The following NOS3 variants were observed in gnomAD, a reference collection of about 807,000 sequenced individuals.
The protein encoded by NOS3 is NOS type III.
In NOS3, 98 loss-of-function variants were observed where a neutral mutation model predicts 144.9. The observed-to-expected ratio is 0.68, with a 90% confidence interval of 0.57 to 0.80. The LOEUF is 0.80. NOS3 is among the 30% of genes least tolerant of loss of function. The pLI is 0.00. For synonymous variants in NOS3, 714 were observed against 702.4 expected (o/e 1.02, Z -0.26); for missense variants, 1,465 against 1,656.4 (o/e 0.88, Z 2.01).
rs1795290852 is a variant in NOS3 at position 151,010,905 on chromosome 7, T to A, written c.2903T>A (p.Leu968Gln). The A allele has an allele frequency of 1.2e-6, 2 of 1,613,662 alleles. No individual in the cohort carries two copies. Among genetic ancestry groups the A allele is most frequent in the South Asian group, 2.2e-5 (2 of 90,982 alleles). Residue 968 changes from leucine (L) to glutamine (Q), a missense_variant, in exon 23 of 27, where the codon CTG (leucine) becomes CAG (glutamine). Around this residue, in one of 5 missense-constraint regions of NOS3, gnomAD observed 106 missense variants for 167.7 expected, o/e 0.63. Transcript: ENST00000297494. ...AVLAYRTQDG[L>Q]GPLHYGVCST... ...CTCTCCTTCCCACCCCCAGATGGGC[T>A]GGGCCCCCTGCACTATGGAGTCTGC...
Position 151,013,342 on chromosome 7 carries a change from T to G in NOS3, c.3218T>G (p.Val1073Gly). ...CAGCAGCGCGGGGTGTTTGGCCGAGTCCTCACCGCCTTCTCCCGGGAACCT... is the reference window on the plus strand; with the variant it reads ...CAGCAGCGCGGGGTGTTTGGCCGAGGCCTCACCGCCTTCTCCCGGGAACCT... ...NAQQRGVFGR[V>G]LTAFSREPDN... The change falls in exon 25 of 27, where the codon GTC (valine) becomes GGC (glycine). Residue 1073 changes from valine to glycine, a missense_variant. By Grantham distance (109) the Val-to-Gly change is moderately radical. This residue lies in a region of NOS3 where 228 missense variants were observed against 227.7 expected (regional missense o/e 1.00). Coordinates refer to ENST00000297494, the MANE Select transcript of NOS3 (RefSeq NM_000603.5). 1 of 1,613,738 alleles carries G rather than the reference T, an allele frequency of 6.2e-7. No homozygotes were observed. Among genetic ancestry groups the G allele is most frequent in the Admixed American group, 1.7e-5 (1 of 60,012 alleles).
chr7:151,010,107 A>C lies in NOS3; in HGVS notation c.2513-8A>C, dbSNP rs768907280. 5.6e-5 allele frequency: 88 copies of C among 1,572,222 alleles called. No homozygotes were observed. The East Asian group carries it at 1.9e-3, about 34-fold the overall frequency. ...CTGTCCTCAGAGCTCCCTGTGCACT[A>C]TCCCCAGGTGGCCCTCCCCCCGGCT... On this transcript the variant is annotated splice_polypyrimidine_tract_variant and splice_region_variant and intron_variant, in intron 20 of 26. Transcript: ENST00000297494.
Position 151,001,381 on chromosome 7 carries a change from C to G in NOS3, c.1384C>G (p.Gln462Glu). ...GGGCAGCCTCACTCCTGTTTTCCATCAGGAGATGGTCAACTATTTCCTGTC... is the reference window on the plus strand; with the variant it reads ...GGGCAGCCTCACTCCTGTTTTCCATGAGGAGATGGTCAACTATTTCCTGTC... Reference protein sequence around the residue: ...ISGSLTPVFHQEMVNYFLSPA... With the variant: ...ISGSLTPVFHEEMVNYFLSPA... Residue 462 changes from glutamine (Q) to glutamate (E), a missense_variant, in exon 11 of 27, where the codon CAG becomes GAG. Gln to Glu is a conservative substitution (Grantham distance 29). Coordinates refer to ENST00000297494, the MANE Select transcript of NOS3 (RefSeq NM_000603.5). 6.2e-7 allele frequency: 1 copy of G among 1,609,206 alleles called. No individual in the cohort carries two copies. Among genetic ancestry groups the G allele is most frequent in the Non-Finnish European group, 8.5e-7 (1 of 1,177,222 alleles).
At position 151,009,827 on chromosome 7, in the gene NOS3, G is replaced by A. The variant is rs743506; in HGVS notation, c.2512+242G>A. On this transcript the variant is annotated intron_variant, in intron 20 of 26. Coordinates refer to ENST00000297494, the MANE Select transcript of NOS3 (RefSeq NM_000603.5). ...GTCCCCTCCCTCTGGGCTCCTCTCCGAGGCTCCCCTAGCAATCTAGCTTGC... is the reference window on the plus strand; with the variant it reads ...GTCCCCTCCCTCTGGGCTCCTCTCCAAGGCTCCCCTAGCAATCTAGCTTGC... 0.71 allele frequency among the ~76,000 whole-genome samples: 107,688 copies of A among 152,124 alleles called. 39,020 individuals carry two copies. Among genetic ancestry groups the A allele is most frequent in the South Asian group, 0.83 (3,987 of 4,822 alleles).
intron 20 of NOS3, 85 bp from the exon 21 acceptor site, chr7:151,010,030 A>G (rs1157601057): frequency 1.8e-5 from 16 of 872,048 alleles, no homozygotes; most frequent in Non-Finnish European, 3.0e-5. Flanking sequence ...CAGGCTCTCT[A>G]ACAGTCACCA....
chr7:150,998,686 C>T lies in NOS3; in HGVS notation c.816+6C>T. 1.2e-6 allele frequency: 2 copies of T among 1,600,952 alleles called. No homozygotes were observed. The highest frequency in any genetic ancestry group is 2.2e-5 in the East Asian group (1 of 44,492). On this transcript the variant is annotated splice_donor_region_variant and intron_variant, in intron 7 of 26. Coordinates refer to ENST00000297494, the MANE Select transcript of NOS3 (RefSeq NM_000603.5). The surrounding 1 kb of genome is among the most constrained non-coding windows in gnomAD (Gnocchi z 5.0). ...CCAACGTGGAGATCACCGAGGTGGGCACCGAGGGCCACCCATGAGGGTGTC... is the reference window on the plus strand; with the variant it reads ...CCAACGTGGAGATCACCGAGGTGGGTACCGAGGGCCACCCATGAGGGTGTC...
intron 23 of NOS3, chr7:151,012,123 T>C (rs868578560): frequency 2.0e-6 from 1 of 496,654 alleles, no homozygotes; most frequent in South Asian, 2.8e-5. Flanking sequence ...CTGAGTCATC[T>C]AAGTATTCTT....
chr7:150,994,308 G>GT (rs1465282648), intron 2 of NOS3, among the ~76,000 whole-genome samples: 1 of 152,210 alleles, frequency 6.6e-6, no homozygotes, highest in Non-Finnish European at 1.5e-5. Flanking sequence ...CCATGGGGAA[G>GT]TAAGTTTCTA....
At chr7:150,994,167 A>G (rs966506890) in intron 2 of NOS3, among the ~76,000 whole-genome samples, 2 of 152,218 alleles carry the variant, frequency 1.3e-5, no homozygotes, top group African/African-American at 4.8e-5. Flanking sequence ...AGCTGGGAGT[A>G]AGGGTGCCAG....
At chr7:150,997,905 C>A (rs1286445839) in intron 5 of NOS3, among the ~76,000 whole-genome samples, 1 of 152,192 alleles carries the variant, frequency 6.6e-6, no homozygotes, top group Non-Finnish European at 1.5e-5. Flanking sequence ...CTCAGAATGT[C>A]AGGATGAGCA....
At position 151,014,374 on chromosome 7, in the gene NOS3, G is replaced by A. The variant is rs1346137105; in HGVS notation, c.*205G>A. On this transcript the variant is annotated 3_prime_UTR_variant, in exon 27 of 27. Coordinates refer to ENST00000297494, the MANE Select transcript of NOS3 (RefSeq NM_000603.5). ...GGCCTGTTGCCTCGGGCCTGGGTCC[G>A]CCTTAATCTGGAAGGCCCCTCCCAG... 3.5e-6 allele frequency: 2 copies of A among 567,148 alleles called. No individual in the cohort carries two copies. The highest frequency in any genetic ancestry group is 6.0e-6 in the Non-Finnish European group (2 of 334,146). The allele number at this position is 567,148 out of a possible 1,614,324, so 35.1% of individuals were successfully genotyped here.
In NOS3 at chr7:151,010,134, G is replaced by T. The variant is rs1050353183; in HGVS notation, c.2532G>T (p.Trp844Cys). The change falls in exon 21 of 27, where the codon TGG becomes TGT. Residue 844 changes from tryptophan to cysteine, a missense_variant. Around this residue, in one of 5 missense-constraint regions of NOS3, gnomAD observed 745 missense variants for 853.9 expected, o/e 0.87. Coordinates refer to ENST00000297494, the MANE Select transcript of NOS3 (RefSeq NM_000603.5). The part of the protein sequence containing the change: ...KGSPGGPPPG[W>C]VRDPRLPPCT... ...CCCCAGGTGGCCCTCCCCCCGGCTGGGTGCGGGACCCCCGGCTGCCCCCGT... is the reference window on the plus strand; with the variant it reads ...CCCCAGGTGGCCCTCCCCCCGGCTGTGTGCGGGACCCCCGGCTGCCCCCGT... 6.2e-7 allele frequency: 1 copy of T among 1,606,276 alleles called. No homozygotes were observed.
In NOS3 at chr7:150,999,183, C is replaced by A. The variant is rs149255032; in HGVS notation, c.957-7C>A. 6.2e-6 allele frequency: 10 copies of A among 1,609,264 alleles called. No homozygotes were observed. Among genetic ancestry groups the A allele is most frequent in the Non-Finnish European group, 7.6e-6 (9 of 1,178,596 alleles). Reference sequence around the variant, plus strand: ...GGGGTGCTGATCCCACACCCCAACACCCCCAGGCTGGAGTGGTTTGCAGCC... The same window carrying A: ...GGGGTGCTGATCCCACACCCCAACAACCCCAGGCTGGAGTGGTTTGCAGCC... On this transcript the variant is annotated splice_region_variant and splice_polypyrimidine_tract_variant and intron_variant, in intron 8 of 26. Transcript: ENST00000297494.
In NOS3 at chr7:150,996,837, T is replaced by G; in HGVS notation, c.494T>G (p.Leu165Arg). The G allele has an allele frequency of 6.2e-7, 1 of 1,609,786 alleles. No homozygotes were observed. The highest frequency in any genetic ancestry group is 1.7e-5 in the Admixed American group (1 of 59,704). The change falls in exon 5 of 27, where the codon CTT becomes CGT. Residue 165 changes from leucine to arginine, a missense_variant. Transcript: ENST00000297494. The part of the protein sequence containing the change: ...AEVAATGTYQ[L>R]RESELVFGAK... ...GTGGCAGCCACAGGCACCTACCAGC[T>G]TAGGGAGAGCGAGCTGGTGTTCGGG...
intron 2 of NOS3, among the ~76,000 whole-genome samples, chr7:150,994,410 C>G (rs535682342): frequency 6.6e-6 from 1 of 152,280 alleles, no homozygotes; most frequent in South Asian, 2.1e-4. Flanking sequence ...AAAGTGGGGT[C>G]TCCCAGAAGA....
intron 2 of NOS3, among the ~76,000 whole-genome samples, chr7:150,994,344 C>T (rs564566505): frequency 2.0e-5 from 3 of 152,282 alleles, no homozygotes; most frequent in East Asian, 1.9e-4. Context: ...TCAACAGCAG[C>T]GATGATTATT....
In NOS3 at chr7:150,998,901, G is replaced by T; in HGVS notation, c.817-45G>T. On this transcript the variant is annotated intron_variant, in intron 7 of 26. Coordinates refer to ENST00000297494, the MANE Select transcript of NOS3 (RefSeq NM_000603.5). This position sits in a 1 kb window ranked among gnomAD's most constrained non-coding sequence, Gnocchi z 5.0. The stretch of plus-strand genomic sequence containing the variant: ...GTGGATGGAGGGGTCCCTGAGGAGG[G>T]CATGAGGCTCAGCCCCAGAACCCCC... 6.3e-7 allele frequency: 1 copy of T among 1,582,414 alleles called. No homozygotes were observed. The highest frequency in any genetic ancestry group is 8.6e-7 in the Non-Finnish European group (1 of 1,165,218).
chr7:150,998,497 G>T lies in NOS3; in HGVS notation c.675-42G>T, dbSNP rs1201943880. ...GCCCCAGCCTTCTTCCCCAAGGCAG[G>T]GAAGGCGGGGCTCTGACCAGCTCTT... On this transcript the variant is annotated intron_variant, in intron 6 of 26. Coordinates refer to ENST00000297494, the MANE Select transcript of NOS3 (RefSeq NM_000603.5). This position sits in a 1 kb window ranked among gnomAD's most constrained non-coding sequence, Gnocchi z 5.0. 1 of 1,611,176 alleles carries T rather than the reference G, an allele frequency of 6.2e-7. No homozygotes were observed.
At chr7:151,009,965 G>GC (rs1173359987) in intron 20 of NOS3, 150 bp from the exon 21 acceptor site, 8 of 593,058 alleles carry the variant, frequency 1.3e-5, no homozygotes, top group African/African-American at 1.3e-4. Flanking sequence ...CCGGCCAGGG[G>GC]CCCCCGAACA....
Sources: gnomAD v4.1 joint callset for allele counts (sites outside exome capture counted in the v4.1 genomes callset) on GRCh38, gnomAD v4.1.1 for gene constraint, gnomAD v4.1.1 regional missense constraint, Gnocchi (gnomAD v3.1) non-coding constraint, MANE v1.5 for transcripts, NCBI Gene and HGNC (gene_info 2026-07-23, HGNC 2026-07-21) for gene names.